Variants in NOX4 observed in about 807,000 individuals in gnomAD.
NOX4 encodes NADPH oxidase 4.
A neutral mutation model predicts 87.6 loss-of-function variants in NOX4; 69 were observed. The observed-to-expected ratio is 0.79, with a 90% CI of 0.65 to 0.96. The LOEUF (loss-of-function observed/expected upper bound fraction) is 0.96. Among genes scored for constraint, NOX4 ranks in the 40% least tolerant of loss-of-function variants. The pLI is 0.00. For missense variants in NOX4, 680 were observed against 681.5 expected (o/e 1.00, Z 0.02); for synonymous variants, 275 against 238.2 (o/e 1.15, Z -1.42).
chr11:89,540,828 A>G, the NOX4 span, among the ~76,000 whole-genome samples: 2 of 125,390 alleles, frequency 1.6e-5, no homozygotes, highest in Non-Finnish European at 3.3e-5. Flanking sequence ...AAAAAAAAAA[A>G]AAAATTGAAA....
intron 11 of NOX4, among the ~76,000 whole-genome samples, chr11:89,397,875 T>C (rs1941591798): frequency 6.6e-6 from 1 of 151,966 alleles, no homozygotes; most frequent in Admixed American, 6.6e-5. Flanking sequence ...ACAGCCAAAT[T>C]CTACCAGAGG....
chr11:89,400,204 C>A lies in NOX4; in HGVS notation c.1011+11G>T, dbSNP rs1452794502. ...AAAGGCTATTTAAAAAGTTGCTGACCACTGACTCACCTGACCAGGTCTTGC... is the reference window on the plus strand; with the variant it reads ...AAAGGCTATTTAAAAAGTTGCTGACAACTGACTCACCTGACCAGGTCTTGC... On this transcript the variant is annotated intron_variant, in intron 10 of 17. Transcript: ENST00000263317. The A allele has an allele frequency of 1.2e-6, 2 of 1,609,826 alleles. No individual in the cohort carries two copies. Among genetic ancestry groups the A allele is most frequent in the East Asian group, 2.2e-5 (1 of 44,748 alleles).
chr11:89,481,298 T>C (rs892712659), intron 2 of NOX4, among the ~76,000 whole-genome samples: 2 of 151,992 alleles, frequency 1.3e-5, no homozygotes, highest in Non-Finnish European at 2.9e-5. Context: ...CAATACAATA[T>C]TACCATTTGG....
At chr11:89,459,889 C>T (rs1945372994) in intron 2 of NOX4, among the ~76,000 whole-genome samples, 1 of 152,196 alleles carries the variant, frequency 6.6e-6, no homozygotes, top group African/African-American at 2.4e-5. Flanking sequence ...CTGGAGGCAT[C>T]ACACTACTTG....
the NOX4 span, among the ~76,000 whole-genome samples, chr11:89,505,975 C>T: frequency 6.6e-6 from 1 of 151,758 alleles, no homozygotes; most frequent in African/African-American, 2.4e-5. Context: ...ATGATTGTCC[C>T]TGCTACTGTC....
chr11:89,392,978 T>A (rs1941229852), intron 11 of NOX4, among the ~76,000 whole-genome samples: 1 of 152,076 alleles, frequency 6.6e-6, no homozygotes. Flanking sequence ...AGCACTCCCA[T>A]CCCTCAAATT....
At chr11:89,581,047 GA>G in the NOX4 span, among the ~76,000 whole-genome samples, 1 of 152,198 alleles carries the variant, frequency 6.6e-6, no homozygotes, top group East Asian at 1.9e-4. Context: ...TAAAAGTGCA[GA>G]AAATAATAAA....
chr11:89,556,222 C>A, the NOX4 span, among the ~76,000 whole-genome samples: 2 of 151,742 alleles, frequency 1.3e-5, no homozygotes, highest in Non-Finnish European at 2.9e-5. Context: ...TAATCACAGC[C>A]CTAAACCAAA....
At chr11:89,531,907 G>A in the NOX4 span, among the ~76,000 whole-genome samples, 1 of 152,234 alleles carries the variant, frequency 6.6e-6, no homozygotes, top group Non-Finnish European at 1.5e-5. Flanking sequence ...GCTAAAAGGG[G>A]CCAAGGTACA....
chr11:89,394,834 A>G (rs957347379), intron 11 of NOX4, among the ~76,000 whole-genome samples: 9 of 152,124 alleles, frequency 5.9e-5, no homozygotes, highest in Non-Finnish European at 1.2e-4. Context: ...ACATGAACTC[A>G]TCTGTTTTTA....
intron 14 of NOX4, among the ~76,000 whole-genome samples, chr11:89,340,526 G>GA (rs1369165204): frequency 2.6e-5 from 4 of 151,794 alleles, no homozygotes; most frequent in East Asian, 1.9e-4. Context: ...CTGCATCTCA[G>GA]AAAAAAAACA....
At chr11:89,349,155 C>T (rs924911439) in intron 13 of NOX4, among the ~76,000 whole-genome samples, 12 of 151,862 alleles carry the variant, frequency 7.9e-5, no homozygotes, top group African/African-American at 2.7e-4. Context: ...GGCATGGTGG[C>T]GAGCACCTGT....
intron 3 of NOX4, among the ~76,000 whole-genome samples, chr11:89,450,829 A>G (rs1944924986): frequency 6.6e-6 from 1 of 151,586 alleles, no homozygotes; most frequent in African/African-American, 2.4e-5. Flanking sequence ...AATGTCCAAC[A>G]ATGATAGACT....
upstream of NOX4, chr11:89,498,692 G>C (rs1309534499): frequency 6.6e-6 from 1 of 152,220 alleles, no homozygotes; most frequent in African/African-American, 2.4e-5. Context: ...CGAGGGATAT[G>C]AAATGTTTCC....
the NOX4 span, among the ~76,000 whole-genome samples, chr11:89,570,167 G>A: frequency 5.3e-5 from 8 of 152,178 alleles, no homozygotes; most frequent in East Asian, 3.8e-4. Context: ...GGAATATTAC[G>A]CAGTCATAAA....
At chr11:89,356,024 T>G (rs1236800792) in intron 12 of NOX4, among the ~76,000 whole-genome samples, 1 of 152,102 alleles carries the variant, frequency 6.6e-6, no homozygotes, top group African/African-American at 2.4e-5. Context: ...CATATTAATA[T>G]AATGTTGAGT....
the NOX4 span, among the ~76,000 whole-genome samples, chr11:89,554,513 A>T: frequency 6.6e-6 from 1 of 152,138 alleles, no homozygotes; most frequent in Non-Finnish European, 1.5e-5. Flanking sequence ...TTCATTTAAA[A>T]GCAACTTGCC....
At chr11:89,460,840 T>C (rs1429255680) in intron 2 of NOX4, among the ~76,000 whole-genome samples, 2 of 152,192 alleles carry the variant, frequency 1.3e-5, no homozygotes, top group African/African-American at 2.4e-5. Context: ...ATCATGCTGC[T>C]GTAAAGACAC....
At chr11:89,360,726 A>G (rs1938454706) in intron 12 of NOX4, among the ~76,000 whole-genome samples, 1 of 152,078 alleles carries the variant, frequency 6.6e-6, no homozygotes, top group Non-Finnish European at 1.5e-5. Flanking sequence ...AGTTTCCAGA[A>G]TCTACAAGGA....
Sources: gnomAD v4.1 joint callset for allele counts (sites outside exome capture counted in the v4.1 genomes callset) on GRCh38, gnomAD v4.1.1 for gene constraint, MANE v1.5 for transcripts, NCBI Gene and HGNC (gene_info 2026-07-23, HGNC 2026-07-21) for gene names.